Variants in GPM6A observed in about 807,000 individuals in gnomAD.
GPM6A encodes glycoprotein M6A.
Under a neutral mutation model 32.1 loss-of-function variants are expected in GPM6A, and 7 were observed. The ratio of observed to expected loss-of-function variants is 0.22; its 90% CI spans 0.12 to 0.41. GPM6A has a LOEUF of 0.41. GPM6A is among the 10% of genes least tolerant of loss of function. GPM6A has a pLI of 1.00. For missense variants in GPM6A, 235 were observed against 347.2 expected, an observed-to-expected ratio of 0.68 and a Z score of 2.57; for synonymous variants, 130 against 123.4, an observed-to-expected ratio of 1.05 and a Z score of -0.35.
intron 1 of GPM6A, among the ~76,000 whole-genome samples, chr4:175,727,322 A>C (rs1442770118): frequency 2.0e-5 from 3 of 152,242 alleles, no homozygotes; most frequent in Non-Finnish European, 4.4e-5. Flanking sequence ...GTTCACTCAT[A>C]TCAGAACGTG....
At chr4:175,743,961 A>G (rs1197881188) in intron 1 of GPM6A, among the ~76,000 whole-genome samples, 1 of 92,022 alleles carries the variant, frequency 1.1e-5, no homozygotes, top group African/African-American at 3.4e-5. Flanking sequence ...TAATAGGACA[A>G]AAAAAAAAAA....
intron 1 of GPM6A, among the ~76,000 whole-genome samples, chr4:175,911,052 G>T (rs906600897): frequency 1.3e-5 from 2 of 152,058 alleles, no homozygotes; most frequent in Admixed American, 6.6e-5. Flanking sequence ...CACATCCTAT[G>T]CCCCGATAAA....
At chr4:176,002,371 C>A, upstream of GPM6A, 11 of 1,564,286 alleles carry the variant, frequency 7.0e-6, no homozygotes, top group Non-Finnish European at 9.5e-6. Context: ...AGACGCTGCG[C>A]GGGGCCAAGT....
At chr4:175,997,594 A>T (rs1245286977) in intron 1 of GPM6A, among the ~76,000 whole-genome samples, 1 of 152,122 alleles carries the variant, frequency 6.6e-6, no homozygotes, top group Non-Finnish European at 1.5e-5. Flanking sequence ...TCAAAGGCAT[A>T]AGGGATTATC....
chr4:175,920,118 G>T (rs1210741148), intron 1 of GPM6A, among the ~76,000 whole-genome samples: 2 of 152,246 alleles, frequency 1.3e-5, no homozygotes, highest in Non-Finnish European at 2.9e-5. Context: ...ATGTCTGTAT[G>T]TGTGTTTCTA....
intron 3 of GPM6A, among the ~76,000 whole-genome samples, chr4:175,671,691 A>T (rs908930303): frequency 6.6e-6 from 1 of 152,048 alleles, no homozygotes; most frequent in Non-Finnish European, 1.5e-5. Flanking sequence ...GCCACTGTTT[A>T]CTTCTCAGTC....
chr4:175,842,930 A>T (rs1005154292), intron 1 of GPM6A, among the ~76,000 whole-genome samples: 1 of 151,702 alleles, frequency 6.6e-6, no homozygotes, highest in African/African-American at 2.4e-5. Flanking sequence ...TAAAAATGAT[A>T]ATTCCTTATT....
intron 1 of GPM6A, among the ~76,000 whole-genome samples, chr4:175,835,394 C>T (rs773623080): frequency 6.6e-5 from 10 of 151,982 alleles, no homozygotes; most frequent in Admixed American, 1.3e-4. Context: ...CCTGACTGTA[C>T]GTTTTGATCA....
chr4:175,870,897 T>C (rs1736885999), intron 1 of GPM6A, among the ~76,000 whole-genome samples: 1 of 152,010 alleles, frequency 6.6e-6, no homozygotes, highest in Non-Finnish European at 1.5e-5. Context: ...GTTGTAAGAA[T>C]GAAATAAAAG....
At chr4:175,703,370 C>A (rs937609543) in intron 1 of GPM6A, among the ~76,000 whole-genome samples, 1 of 152,132 alleles carries the variant, frequency 6.6e-6, no homozygotes, top group African/African-American at 2.4e-5. Context: ...CGGGGTTTTG[C>A]CATGTTGGCC....
intron 1 of GPM6A, among the ~76,000 whole-genome samples, chr4:175,706,785 G>C (rs1745216945): frequency 6.6e-6 from 1 of 152,184 alleles, no homozygotes; most frequent in Admixed American, 6.5e-5. Context: ...CACAGGATGA[G>C]AGAGTAGGTC....
intron 1 of GPM6A, among the ~76,000 whole-genome samples, chr4:175,988,745 G>C (rs1741050911): frequency 6.6e-6 from 1 of 152,166 alleles, no homozygotes; most frequent in Admixed American, 6.5e-5. Context: ...CAACAAAGCA[G>C]TCAGATTTCT....
intron 6 of GPM6A, among the ~76,000 whole-genome samples, chr4:175,636,292 A>ATATATATATC: frequency 7.4e-6 from 1 of 134,458 alleles, no homozygotes; most frequent in Non-Finnish European, 1.6e-5. Flanking sequence ...ATATATATAT[A>ATATATATATC]TATATACATA....
intron 1 of GPM6A, among the ~76,000 whole-genome samples, chr4:175,777,049 T>A (rs934423135): frequency 3.9e-5 from 6 of 152,226 alleles, no homozygotes; most frequent in African/African-American, 9.6e-5. Context: ...CCAAATTTAA[T>A]TTTAGACCAT....
At chr4:175,905,799 C>T (rs977725593) in intron 1 of GPM6A, among the ~76,000 whole-genome samples, 10 of 152,012 alleles carry the variant, frequency 6.6e-5, no homozygotes, top group African/African-American at 1.4e-4. Context: ...GGAAAACCGC[C>T]GATGTTCATG....
intron 3 of GPM6A, 152 bp from the exon 4 acceptor site, chr4:175,652,139 G>A: frequency 1.8e-6 from 1 of 540,868 alleles, no homozygotes; most frequent in Non-Finnish European, 3.2e-6. Flanking sequence ...ACAGAAGGTT[G>A]AGAAATAGTG....
At chr4:175,999,735 C>T (rs960665060) in intron 1 of GPM6A, among the ~76,000 whole-genome samples, 2 of 151,626 alleles carry the variant, frequency 1.3e-5, no homozygotes, top group African/African-American at 4.8e-5. Context: ...TTCATGATAC[C>T]AGGAAAAAAA....
At chr4:175,876,074 T>C (rs1495708) in intron 1 of GPM6A, among the ~76,000 whole-genome samples, 81,808 of 152,068 alleles carry the variant, frequency 0.54, 22,848 homozygotes, top group East Asian at 0.7. Flanking sequence ...ACTTTCTTCA[T>C]CCGTAAATTG....
chr4:175,941,562 G>T (rs754057852), intron 1 of GPM6A, among the ~76,000 whole-genome samples: 2 of 152,026 alleles, frequency 1.3e-5, no homozygotes, highest in Non-Finnish European at 2.9e-5. Flanking sequence ...CCCGCAACAG[G>T]CCCTGGTGTG....
Sources: gnomAD v4.1 joint callset for allele counts (sites outside exome capture counted in the v4.1 genomes callset) on GRCh38, gnomAD v4.1.1 for gene constraint, MANE v1.5 for transcripts, NCBI Gene and HGNC (gene_info 2026-07-23, HGNC 2026-07-21) for gene names.